Variants in TDRD10 observed in about 807,000 individuals in gnomAD.
TDRD10 encodes tudor domain containing 10.
TDRD10 carries 40 observed loss-of-function variants against 48.0 expected under a neutral mutation model. The observed-to-expected ratio is 0.83, with a 90% CI of 0.65 to 1.09. The LOEUF is 1.09. Among genes scored for constraint, TDRD10 ranks in the 50% least tolerant of loss-of-function variants. The pLI is 0.00. For synonymous variants in TDRD10, 162 were observed against 170.4 expected (o/e 0.95, Z 0.38); for missense variants, 378 against 434.7 (o/e 0.87, Z 1.16).
intron 6 of TDRD10, among the ~76,000 whole-genome samples, chr1:154,530,031 CAG>C (rs1694525867): frequency 6.6e-6 from 1 of 151,852 alleles, no homozygotes; most frequent in African/African-American, 2.4e-5. Flanking sequence ...TTTTCTGAGA[CAG>C]AGTCTTCGCT....
intron 1 of TDRD10, among the ~76,000 whole-genome samples, chr1:154,504,064 C>G (rs1408484456): frequency 2.0e-5 from 3 of 152,208 alleles, no homozygotes; most frequent in Admixed American, 1.3e-4. Context: ...CAGTCCTAGA[C>G]AGCCACTAAT....
chr1:154,547,689 A>G lies in TDRD10; in HGVS notation c.1035A>G (p.Leu345=), dbSNP rs770231109. The G allele has an allele frequency of 5.6e-6, 9 of 1,613,888 alleles. No homozygotes were observed. Among genetic ancestry groups the G allele is most frequent in the South Asian group, 3.3e-5 (3 of 91,084 alleles). ...TCTTTCTCTTCCAGTTGCACATCCT[A>G]AAGTTTGAAGAGTCTAAATAACGGG... is the stretch of plus-strand genomic sequence containing the variant. ...TGALNSALHI[L]KFEESK is the part of the protein sequence containing the mutation. Residue 345 remains leucine, a synonymous_variant, in exon 13 of 13, where the codon CTA becomes CTG. Transcript: ENST00000368482.
At chr1:154,526,104 C>T (rs1035106882) in intron 6 of TDRD10, among the ~76,000 whole-genome samples, 1 of 148,980 alleles carries the variant, frequency 6.7e-6, no homozygotes, top group African/African-American at 2.5e-5. Context: ...ACTCGGGAGG[C>T]TGAGGCAGGA....
intron 1 of TDRD10, among the ~76,000 whole-genome samples, chr1:154,505,045 A>C (rs2149307872): frequency 6.6e-6 from 1 of 152,330 alleles, no homozygotes; most frequent in Non-Finnish European, 1.5e-5. Context: ...TCCAGACCAA[A>C]CAATAGATTG....
intron 4 of TDRD10, among the ~76,000 whole-genome samples, chr1:154,511,847 A>G (rs1557815117): frequency 6.6e-6 from 1 of 151,918 alleles, no homozygotes; most frequent in Non-Finnish European, 1.5e-5. Context: ...ACTCCATCTC[A>G]AACAACAACA....
At chr1:154,503,382 G>A (rs1692927773) in intron 1 of TDRD10, among the ~76,000 whole-genome samples, 1 of 152,174 alleles carries the variant, frequency 6.6e-6, no homozygotes, top group South Asian at 2.1e-4. Flanking sequence ...GAGATCAAGA[G>A]TTCGAGACCA....
intron 4 of TDRD10, among the ~76,000 whole-genome samples, chr1:154,516,285 G>T (rs767048161): frequency 6.6e-6 from 1 of 152,142 alleles, no homozygotes; most frequent in Non-Finnish European, 1.5e-5. Context: ...TGGCGAGTTT[G>T]TATGCTCATC....
chr1:154,517,420 C>A (rs576107950), intron 4 of TDRD10, among the ~76,000 whole-genome samples: 7 of 138,498 alleles, frequency 5.1e-5, no homozygotes, highest in African/African-American at 1.8e-4. Flanking sequence ...GATATTAGAC[C>A]TTTTTTTTTT....
chr1:154,540,218 T>C (rs988113924), intron 6 of TDRD10, among the ~76,000 whole-genome samples: 1 of 152,204 alleles, frequency 6.6e-6, no homozygotes, highest in Non-Finnish European at 1.5e-5. Context: ...GTCACTGTTA[T>C]TCTGGTAAGA....
At chr1:154,516,097 A>G (rs1021188356) in intron 4 of TDRD10, among the ~76,000 whole-genome samples, 2 of 152,188 alleles carry the variant, frequency 1.3e-5, no homozygotes, top group Non-Finnish European at 2.9e-5. Context: ...TGCACCTAAC[A>G]CATTTCTAGC....
chr1:154,542,148 C>G (rs1310698487), intron 7 of TDRD10, 82 bp downstream of exon 7: 6 of 1,437,372 alleles, frequency 4.2e-6, no homozygotes, highest in Non-Finnish European at 4.9e-6. Context: ...TCTGCAGCCT[C>G]CCTTCCAGCT....
rs1335681871 is a variant in TDRD10, at chr1:154,502,232, G to C, written c.-825G>C. 3.7e-6 allele frequency: 1 copy of C among 269,476 alleles called. No individual in the cohort carries two copies. Among genetic ancestry groups the C allele is most frequent in the African/African-American group, 2.2e-5 (1 of 44,686 alleles). The allele number at this position is 269,476 out of a possible 1,614,324, so 16.7% of individuals were successfully genotyped here. A position where few individuals can be genotyped will look rare whatever the true frequency, so the allele number is the denominator to read the frequency against. ...CCGCCCGGGCTCGTCTTCAACGCCT[G>C]CCCGGCCCGAGGACACCGTGGCTCT... On this transcript the variant is annotated 5_prime_UTR_variant, in exon 1 of 13. Coordinates refer to ENST00000368482, the MANE Select transcript of TDRD10 (RefSeq NM_182499.4).
At chr1:154,522,225 G>A (rs1404262423) in intron 6 of TDRD10, among the ~76,000 whole-genome samples, 2 of 152,172 alleles carry the variant, frequency 1.3e-5, no homozygotes, top group African/African-American at 4.8e-5. Context: ...AAGGGGAGAA[G>A]CAGAGGGCAA....
At chr1:154,529,207 G>A (rs961879069) in intron 6 of TDRD10, among the ~76,000 whole-genome samples, 1 of 151,974 alleles carries the variant, frequency 6.6e-6, no homozygotes, top group Non-Finnish European at 1.5e-5. Flanking sequence ...AGCCTCCCAA[G>A]TAGCTGGGAT....
chr1:154,522,239 G>C (rs1694097977), intron 6 of TDRD10, among the ~76,000 whole-genome samples: 1 of 152,118 alleles, frequency 6.6e-6, no homozygotes, highest in Non-Finnish European at 1.5e-5. Context: ...AGGGCAAAAG[G>C]GGCCTGTGTC....
In TDRD10 at chr1:154,521,344, C is replaced by A. The variant is rs200428370; in HGVS notation, c.234C>A (p.Gly78=). ...TCAGCTTTGCATTTGTAGATCTGGG[C>A]TCCATGCAGAAAGTGACACTTGCAA... ...GCKCFAFVDL[G]SMQKVTLAIQ... is the part of the protein sequence containing the mutation. The change falls in exon 6 of 13, where the codon GGC becomes GGA. Residue 78 remains glycine (G), a synonymous_variant. Transcript: ENST00000368482. 1 of 1,614,016 alleles carries A rather than the reference C, an allele frequency of 6.2e-7. No homozygotes were observed. Among genetic ancestry groups the A allele is most frequent in the Middle Eastern group, 1.6e-4 (1 of 6,062 alleles).
intron 8 of TDRD10, among the ~76,000 whole-genome samples, chr1:154,543,438 G>C (rs796494203): frequency 3.3e-5 from 5 of 152,336 alleles, no homozygotes; most frequent in African/African-American, 1.2e-4. Context: ...AAGAGTGCCA[G>C]AATACTCAGT....
chr1:154,529,679 G>A (rs1195644646), intron 6 of TDRD10, among the ~76,000 whole-genome samples: 1 of 151,680 alleles, frequency 6.6e-6, no homozygotes, highest in African/African-American at 2.4e-5. Context: ...CCAAGTAGCT[G>A]AGATTATAGG....
chr1:154,513,521 A>C (rs910440381), intron 4 of TDRD10, among the ~76,000 whole-genome samples: 2 of 152,224 alleles, frequency 1.3e-5, no homozygotes, highest in African/African-American at 4.8e-5. Flanking sequence ...TTAATTCATT[A>C]GGTAAAGTAT....
Sources: gnomAD v4.1 joint callset for allele counts (sites outside exome capture counted in the v4.1 genomes callset) on GRCh38, gnomAD v4.1.1 for gene constraint, MANE v1.5 for transcripts, NCBI Gene and HGNC (gene_info 2026-07-23, HGNC 2026-07-21) for gene names.